RPS6KA2: variants seen among roughly 807,000 people sequenced by gnomAD.
The protein encoded by RPS6KA2 is ribosomal protein S6 kinase A2.
RPS6KA2 carries 42 observed loss-of-function variants against 91.8 expected under a neutral mutation model. That is an observed-to-expected ratio of 0.46 (90% CI 0.36 to 0.59). The LOEUF (loss-of-function observed/expected upper bound fraction) is 0.59, where lower values mean the gene tolerates loss of function less well. Among genes scored for constraint, RPS6KA2 ranks in the 20% least tolerant of loss-of-function variants. RPS6KA2 has a pLI of 0.00. For synonymous variants in RPS6KA2, 414 were observed against 393.6 expected (o/e 1.05, Z -0.61); for missense variants, 798 against 978.5 (o/e 0.82, Z 2.46).
At chr6:166,835,843 G>A (rs1035911629) in intron 2 of RPS6KA2, among the ~76,000 whole-genome samples, 1 of 152,236 alleles carries the variant, frequency 6.6e-6, no homozygotes, top group African/African-American at 2.4e-5. Context: ...CACATTAGGT[G>A]TGATGCTGGC....
At chr6:166,516,700 T>C (rs1782654267) in intron 3 of RPS6KA2, among the ~76,000 whole-genome samples, 1 of 152,164 alleles carries the variant, frequency 6.6e-6, no homozygotes, top group Non-Finnish European at 1.5e-5. Context: ...CTGTGCCCTT[T>C]ATCTCAGCAG....
chr6:166,723,938 G>T (rs1790263827), intron 2 of RPS6KA2, among the ~76,000 whole-genome samples: 1 of 152,078 alleles, frequency 6.6e-6, no homozygotes, highest in Admixed American at 6.5e-5. Flanking sequence ...GACCTCAGGT[G>T]ATCCACTCTT....
chr6:166,587,778 G>A (rs893325851), intron 1 of RPS6KA2, among the ~76,000 whole-genome samples: 13 of 152,076 alleles, frequency 8.5e-5, no homozygotes, highest in Non-Finnish European at 1.5e-4. Context: ...GAAACTAGCC[G>A]TCTGGCCTCA....
At chr6:166,801,883 T>G (rs1040294271) in intron 2 of RPS6KA2, among the ~76,000 whole-genome samples, 3 of 151,990 alleles carry the variant, frequency 2.0e-5, no homozygotes, top group Non-Finnish European at 4.4e-5. Flanking sequence ...GAAAAACAAT[T>G]GAGAAGGAAA....
rs1273671367 is a variant in RPS6KA2 at position 166,852,945 on chromosome 6, G to A, written c.123+5255C>T. ...ATGCACCTGCCCTGCCCCCTCGCCC[G>A]GATACTTTCTATTCTGCTATGAAAA... On this transcript the variant is annotated intron_variant, in intron 2 of 21. Transcript: ENST00000503859. The surrounding 1 kb of genome is among the most constrained non-coding windows in gnomAD (Gnocchi z 4.1). Among the ~76,000 whole-genome samples the A allele has an allele frequency of 4.6e-5, 7 of 152,058 alleles. No individual in the cohort carries two copies. The highest frequency in any genetic ancestry group is 2.0e-4 in the Admixed American group (3 of 15,264).
chr6:166,750,660 G>A (rs1791251484), intron 2 of RPS6KA2, among the ~76,000 whole-genome samples: 1 of 152,212 alleles, frequency 6.6e-6, no homozygotes, highest in Admixed American at 6.5e-5. Flanking sequence ...AGCATCCCTT[G>A]TGCCTAGAAC....
At chr6:166,667,302 A>C (rs1788343233) in intron 2 of RPS6KA2, among the ~76,000 whole-genome samples, 1 of 152,254 alleles carries the variant, frequency 6.6e-6, no homozygotes, top group Non-Finnish European at 1.5e-5. Flanking sequence ...GGATAAATGT[A>C]ACTGCAGTAT....
chr6:166,521,870 C>A (rs1782868731), intron 3 of RPS6KA2, among the ~76,000 whole-genome samples: 1 of 152,170 alleles, frequency 6.6e-6, no homozygotes, highest in South Asian at 2.1e-4. Context: ...ACCTAACCCC[C>A]AGTGTGATGG....
intron 11 of RPS6KA2, among the ~76,000 whole-genome samples, chr6:166,467,703 G>C (rs369337579): frequency 1.3e-5 from 2 of 152,210 alleles, no homozygotes; most frequent in East Asian, 1.9e-4. Flanking sequence ...GACCACTTTC[G>C]TGTGCTTCTC....
intron 2 of RPS6KA2, among the ~76,000 whole-genome samples, chr6:166,759,208 T>G (rs1319337156): frequency 2.6e-5 from 4 of 152,216 alleles, no homozygotes; most frequent in Admixed American, 2.0e-4. Flanking sequence ...TCATTTTTAT[T>G]AACCCTACTT....
intron 3 of RPS6KA2, among the ~76,000 whole-genome samples, chr6:166,518,897 T>G (rs1261718969): frequency 1.3e-5 from 2 of 152,240 alleles, no homozygotes; most frequent in East Asian, 3.8e-4. Flanking sequence ...TGTTCAGGTC[T>G]GTGCAAATTC....
At chr6:166,625,348 T>C (rs1786833683) in intron 1 of RPS6KA2, among the ~76,000 whole-genome samples, 1 of 57,074 alleles carries the variant, frequency 1.8e-5, no homozygotes, top group Admixed American at 2.6e-4. Flanking sequence ...CCCCCGCTTG[T>C]TTCCCACTGT....
rs1025924440 is a variant in RPS6KA2, at chr6:166,852,966, G to GA, written c.123+5233dup. 6.6e-6 allele frequency among the ~76,000 whole-genome samples: 1 copy of GA among 151,952 alleles called. No homozygotes were observed. The highest frequency in any genetic ancestry group is 1.5e-5 in the Non-Finnish European group (1 of 67,994). ...GCCCGGATACTTTCTATTCTGCTAT[G>GA]AAAAACAGAGTAAAATTTGAGAGGA... On this transcript the variant is annotated intron_variant, in intron 2 of 21. Transcript: ENST00000503859. The surrounding 1 kb of genome is among the most constrained non-coding windows in gnomAD (Gnocchi z 4.1).
At chr6:166,659,381 G>T (rs1788093858) in intron 2 of RPS6KA2, among the ~76,000 whole-genome samples, 1 of 152,192 alleles carries the variant, frequency 6.6e-6, no homozygotes, top group Non-Finnish European at 1.5e-5. Flanking sequence ...TGGGTGAGGG[G>T]TGGCCGGGGA....
chr6:166,861,171 A>G (rs1366997034), intron 1 of RPS6KA2, among the ~76,000 whole-genome samples: 1 of 152,270 alleles, frequency 6.6e-6, no homozygotes, highest in Non-Finnish European at 1.5e-5. Context: ...AAGGTATGTT[A>G]TGTGACTATC....
At chr6:166,422,688 C>G (rs1434615706) in intron 17 of RPS6KA2, among the ~76,000 whole-genome samples, 1 of 152,190 alleles carries the variant, frequency 6.6e-6, no homozygotes, top group Non-Finnish European at 1.5e-5. Flanking sequence ...CAGGTGCCTG[C>G]TAGCTGCTCC....
At chr6:166,705,022 G>C (rs536884270) in intron 2 of RPS6KA2, among the ~76,000 whole-genome samples, 1 of 152,176 alleles carries the variant, frequency 6.6e-6, no homozygotes. Context: ...TCAAAGCCTT[G>C]CTCTCTGCAG....
chr6:166,626,968 G>C lies in RPS6KA2; in HGVS notation c.52C>G (p.Leu18Val). ...CTCTTGGAGCGCGACTTCCTGCGCA[G>C]GTACACAGAGAAGAACCTGCGCACG... ...FAVRRFFSVY[L>V]RRKSRSKSSS... The change falls in exon 1 of 21, where the codon CTG (leucine) becomes GTG (valine). Residue 18 changes from leucine (L) to valine (V), a missense_variant. Coordinates refer to ENST00000265678, the MANE Select transcript of RPS6KA2 (RefSeq NM_021135.6). The surrounding 1 kb of genome is among the most constrained non-coding windows in gnomAD (Gnocchi z 4.1). The C allele has an allele frequency of 6.4e-7, 1 of 1,566,492 alleles. No homozygotes were observed. The highest frequency in any genetic ancestry group is 8.7e-7 in the Non-Finnish European group (1 of 1,156,068).
intron 1 of RPS6KA2, among the ~76,000 whole-genome samples, chr6:166,543,237 C>T (rs1457912505): frequency 1.3e-5 from 2 of 152,150 alleles, no homozygotes; most frequent in Non-Finnish European, 2.9e-5. Context: ...TCTCAAGGCA[C>T]AGAACCCGGA....
Sources: gnomAD v4.1 joint callset for allele counts (sites outside exome capture counted in the v4.1 genomes callset) on GRCh38, gnomAD v4.1.1 for gene constraint, Gnocchi (gnomAD v3.1) non-coding constraint, MANE v1.5 for transcripts, NCBI Gene and HGNC (gene_info 2026-07-23, HGNC 2026-07-21) for gene names.